Variants in GLRX3 observed in about 807,000 individuals in gnomAD.
GLRX3 encodes glutaredoxin 3.
A neutral mutation model predicts 49.5 loss-of-function variants in GLRX3; 22 were observed. The observed-to-expected ratio is 0.44, with a 90% confidence interval of 0.32 to 0.63. The LOEUF (loss-of-function observed/expected upper bound fraction) is 0.63. Among genes scored for constraint, GLRX3 ranks in the 30% least tolerant of loss-of-function variants. The pLI is 0.05. For synonymous variants in GLRX3, 133 were observed against 140.0 expected (o/e 0.95, Z 0.35); for missense variants, 385 against 396.3 (o/e 0.97, Z 0.24).
intron 1 of GLRX3, among the ~76,000 whole-genome samples, chr10:130,142,504 C>T (rs1202657061): frequency 6.6e-6 from 1 of 152,178 alleles, no homozygotes; most frequent in Non-Finnish European, 1.5e-5. Flanking sequence ...TACGGCCCTT[C>T]CCTCTCCATT....
chr10:130,165,872 G>T (rs1019669597), intron 4 of GLRX3, among the ~76,000 whole-genome samples: 4 of 152,224 alleles, frequency 2.6e-5, no homozygotes, highest in Non-Finnish European at 4.4e-5. Flanking sequence ...AAGGCTGGGA[G>T]GGACTGTCAG....
At chr10:130,138,141 C>T (rs1862101375) in intron 1 of GLRX3, among the ~76,000 whole-genome samples, 1 of 152,116 alleles carries the variant, frequency 6.6e-6, no homozygotes, top group African/African-American at 2.4e-5. Context: ...ACTGCAGCCT[C>T]TACCTCCTGG....
chr10:130,179,387 A>G lies in GLRX3; in HGVS notation c.1003A>G (p.Asn335Asp). The G allele has an allele frequency of 6.8e-7, 1 of 1,478,402 alleles. No homozygotes were observed. Among genetic ancestry groups the G allele is most frequent in the Non-Finnish European group, 9.3e-7 (1 of 1,073,502 alleles). 91.6% of individuals were successfully genotyped at this position (1,478,402 alleles called of 1,614,324 possible). Residue 335 changes from asparagine (N) to aspartate (D), a missense_variant, in exon 11 of 11, where the codon AAT becomes GAT. This residue lies in a region of GLRX3 where 11 missense variants were observed against 37.6 expected (regional missense o/e 0.29). Transcript: ENST00000331244. ...GELLPILRGE[N>D] is the part of the protein sequence containing the mutation. Reference sequence around the variant, plus strand: ...ATTGCTGCCTATACTGAGAGGAGAAAATTAATAAATCTTAAACTTGGTGCC... The same window carrying G: ...ATTGCTGCCTATACTGAGAGGAGAAGATTAATAAATCTTAAACTTGGTGCC...
At position 130,174,057 on chromosome 10, in the gene GLRX3, G is replaced by A. The variant is rs142931820; in HGVS notation, c.825-810G>A. Among the ~76,000 whole-genome samples, 16 of 152,304 alleles carry A rather than the reference G, an allele frequency of 1.1e-4. No individual in the cohort carries two copies. In the East Asian group the frequency reaches 1.7e-3, roughly 17 times the overall value. On this transcript the variant is annotated intron_variant, in intron 8 of 10. Coordinates refer to ENST00000331244, the MANE Select transcript of GLRX3 (RefSeq NM_006541.5). ...TACCTGACCACCTAACGGTGAAATC[G>A]CTCTGAGTGGATACAGTTGGATATT...
chr10:130,145,422 G>T, intron 2 of GLRX3, 103 bp downstream of exon 2: 1 of 590,470 alleles, frequency 1.7e-6, no homozygotes. Context: ...CAGCACTTTG[G>T]GAGGCTGAGG....
intron 2 of GLRX3, among the ~76,000 whole-genome samples, chr10:130,152,421 C>T (rs532113443): frequency 1.3e-5 from 2 of 152,290 alleles, no homozygotes; most frequent in Non-Finnish European, 2.9e-5. Flanking sequence ...CACCATTTGG[C>T]CTGTTTTTGC....
At chr10:130,178,813 C>T (rs1646031458) in intron 10 of GLRX3, among the ~76,000 whole-genome samples, 1 of 152,114 alleles carries the variant, frequency 6.6e-6, no homozygotes. Context: ...GGAGATTCTC[C>T]CTGTCTCAGC....
At position 130,147,507 on chromosome 10, in the gene GLRX3, A is replaced by T. The variant is rs555835611; in HGVS notation, c.201+2188A>T. The stretch of plus-strand genomic sequence containing the variant: ...CCTCAGCGATTTTGGGTTGTGGGGG[A>T]TACCTGAGCCTGACTGCACCTGCCA... On this transcript the variant is annotated intron_variant, in intron 2 of 10. Coordinates refer to ENST00000331244, the MANE Select transcript of GLRX3 (RefSeq NM_006541.5). Among the ~76,000 whole-genome samples, 8 of 152,228 alleles carry T rather than the reference A, an allele frequency of 5.3e-5. No homozygotes were observed. The South Asian group carries it at 1.7e-3, about 32-fold the overall frequency.
intron 2 of GLRX3, among the ~76,000 whole-genome samples, chr10:130,153,094 C>T (rs561819970): frequency 3.3e-5 from 5 of 152,248 alleles, no homozygotes; most frequent in Middle Eastern, 6.8e-3. Context: ...TTGATCGAAT[C>T]GGCTATTGAA....
intron 3 of GLRX3, among the ~76,000 whole-genome samples, chr10:130,160,552 C>A (rs1164743177): frequency 6.6e-6 from 1 of 152,110 alleles, no homozygotes; most frequent in Non-Finnish European, 1.5e-5. Context: ...TGGGGGCAGT[C>A]TTTTTTGTAT....
At chr10:130,145,077 A>G in intron 1 of GLRX3, 134 bp from the exon 2 acceptor site, 1 of 487,724 alleles carries the variant, frequency 2.1e-6, no homozygotes. Context: ...TATACAACAA[A>G]ATTCTAGCAA....
At chr10:130,139,607 A>C (rs1225056991) in intron 1 of GLRX3, among the ~76,000 whole-genome samples, 1 of 148,642 alleles carries the variant, frequency 6.7e-6, no homozygotes, top group Non-Finnish European at 1.5e-5. Flanking sequence ...GTGGCACTGC[A>C]CTCCAGCCTG....
At chr10:130,160,730 A>G (rs1176646476) in intron 3 of GLRX3, 66 bp from the exon 4 acceptor site, 1 of 926,000 alleles carries the variant, frequency 1.1e-6, no homozygotes, top group East Asian at 2.5e-5. Context: ...CCCTTTAAAA[A>G]TCTGCTATAA....
At position 130,166,624 on chromosome 10, in the gene GLRX3, C is replaced by T. The variant is rs775084748; in HGVS notation, c.596C>T (p.Thr199Ile). The change falls in exon 5 of 11, where the codon ACC becomes ATC. Residue 199 changes from threonine to isoleucine, a missense_variant. Thr to Ile is a moderately conservative substitution (Grantham distance 89, BLOSUM62 -1). Around this residue, in one of 2 missense-constraint regions of GLRX3, gnomAD observed 374 missense variants for 358.6 expected, o/e 1.04. Transcript: ENST00000331244. ...QGLKAYSSWP[T>I]YPQLYVSGEL... ...CTCAAAGCCTATTCCAGTTGGCCTA[C>T]CTATCCTCAGCTCTATGTTTCTGGA... is the stretch of plus-strand genomic sequence containing the variant. 3.1e-6 allele frequency: 5 copies of T among 1,611,362 alleles called. No homozygotes were observed. In the East Asian group the frequency reaches 8.9e-5, roughly 29 times the overall value.
intron 6 of GLRX3, among the ~76,000 whole-genome samples, chr10:130,169,063 T>G (rs796995875): frequency 3.6e-4 from 55 of 152,320 alleles, no homozygotes; most frequent in African/African-American, 1.3e-3. Context: ...GTATGCAGCA[T>G]CATGATGGAA....
chr10:130,151,028 A>G (rs547145303), intron 2 of GLRX3, among the ~76,000 whole-genome samples: 2 of 151,986 alleles, frequency 1.3e-5, no homozygotes, highest in Non-Finnish European at 2.9e-5. Context: ...CCTGGGTTCA[A>G]GGAATTCTCC....
At chr10:130,137,556 G>A (rs10829690) in intron 1 of GLRX3, among the ~76,000 whole-genome samples, 70,082 of 152,000 alleles carry the variant, frequency 0.46, 16,393 homozygotes, top group South Asian at 0.53. Context: ...TCAGTTTCCC[G>A]ACGGTGACAT....
intron 6 of GLRX3, 75 bp downstream of exon 6, chr10:130,167,055 A>G (rs1862705690): frequency 8.2e-6 from 6 of 730,940 alleles, no homozygotes; most frequent in South Asian, 2.0e-5. Flanking sequence ...CAGGTTTTGC[A>G]TTGCTCTTTC....
intron 1 of GLRX3, among the ~76,000 whole-genome samples, chr10:130,138,395 A>G (rs1333620565): frequency 6.6e-6 from 1 of 152,094 alleles, no homozygotes; most frequent in Non-Finnish European, 1.5e-5. Context: ...TGCCGACTGA[A>G]TTTGAATTAG....
Sources: gnomAD v4.1 joint callset for allele counts (sites outside exome capture counted in the v4.1 genomes callset) on GRCh38, gnomAD v4.1.1 for gene constraint, gnomAD v4.1.1 regional missense constraint, MANE v1.5 for transcripts, NCBI Gene and HGNC (gene_info 2026-07-23, HGNC 2026-07-21) for gene names.